Variants in C12orf42 observed in about 807,000 individuals in gnomAD.
C12orf42 encodes the protein chromosome 12 open reading frame 42.
C12orf42 carries 25 observed loss-of-function variants against 21.6 expected under a neutral mutation model. The observed-to-expected ratio is 1.16, with a 90% CI of 0.84 to 1.62. C12orf42 has a LOEUF of 1.62. Among genes scored for constraint, C12orf42 ranks in the 40% most tolerant of loss-of-function variants. The pLI is 0.00. For synonymous variants in C12orf42, 174 were observed against 175.0 expected (o/e 0.99, Z 0.05); for missense variants, 483 against 459.3 (o/e 1.05, Z -0.47).
At chr12:103,520,656 C>T in the C12orf42 span, among the ~76,000 whole-genome samples, 39 of 152,196 alleles carry the variant, frequency 2.6e-4, 1 homozygote, top group African/African-American at 8.7e-4. Flanking sequence ...TGCACTCCAG[C>T]CCAGTTGACA....
At chr12:103,182,459 G>A in the C12orf42 span, among the ~76,000 whole-genome samples, 1 of 152,148 alleles carries the variant, frequency 6.6e-6, no homozygotes, top group East Asian at 1.9e-4. Context: ...GAGCAGGAAT[G>A]GTAAGGTCAA....
rs1419676498 is a variant in C12orf42 at position 103,421,887 on chromosome 12, C to CA, written c.79-20213_79-20212insT. Among the ~76,000 whole-genome samples, 7 of 152,196 alleles carry CA rather than the reference C, an allele frequency of 4.6e-5. No homozygotes were observed. In the East Asian group the frequency reaches 1.3e-3, roughly 29 times the overall value. On this transcript the variant is annotated intron_variant, in intron 2 of 5. Coordinates refer to ENST00000548883, the MANE Select transcript of C12orf42 (RefSeq NM_198521.5). ...TTACAAAATATTTCAATCCTATTCGCCTGTCTTATATTCCTGGTTACATTC... is the reference window on the plus strand; with the variant it reads ...TTACAAAATATTTCAATCCTATTCGCACTGTCTTATATTCCTGGTTACATTC...
chr12:103,076,387 G>C, the C12orf42 span, among the ~76,000 whole-genome samples: 2 of 151,682 alleles, frequency 1.3e-5, no homozygotes, highest in East Asian at 3.9e-4. Context: ...ATGAGGGCAA[G>C]AGGCAGAGAA....
At chr12:103,528,306 A>G in the C12orf42 span, among the ~76,000 whole-genome samples, 25 of 152,360 alleles carry the variant, frequency 1.6e-4, no homozygotes, top group East Asian at 1.7e-3. Flanking sequence ...CCAGTGTCAT[A>G]TAGCTTACAA....
chr12:103,457,072 C>T (rs551866243), intron 2 of C12orf42, among the ~76,000 whole-genome samples: 40 of 152,198 alleles, frequency 2.6e-4, no homozygotes, highest in African/African-American at 8.4e-4. Context: ...GTTTCCTCTC[C>T]CTTTTGTGAT....
At chr12:103,123,831 C>T in the C12orf42 span, among the ~76,000 whole-genome samples, 3 of 151,826 alleles carry the variant, frequency 2.0e-5, no homozygotes, top group South Asian at 6.2e-4. Flanking sequence ...AAAAGATTAA[C>T]CATCAGAGAT....
intron 2 of C12orf42, among the ~76,000 whole-genome samples, chr12:103,438,489 A>G (rs1466392302): frequency 6.6e-6 from 1 of 152,056 alleles, no homozygotes; most frequent in Admixed American, 6.6e-5. Context: ...AGATGACATG[A>G]TTGTGTATCT....
the C12orf42 span, among the ~76,000 whole-genome samples, chr12:103,535,120 T>C: frequency 9.9e-5 from 15 of 152,152 alleles, no homozygotes; most frequent in Non-Finnish European, 1.6e-4. Flanking sequence ...TGCCAGAATG[T>C]GAGAGACTAT....
At chr12:103,511,338 G>C in the C12orf42 span, among the ~76,000 whole-genome samples, 1 of 150,134 alleles carries the variant, frequency 6.7e-6, no homozygotes, top group Non-Finnish European at 1.5e-5. Context: ...TTATATATTT[G>C]ATAAAATTGT....
the C12orf42 span, among the ~76,000 whole-genome samples, chr12:103,207,420 C>T: frequency 5.5e-3 from 834 of 152,324 alleles, 5 homozygotes; most frequent in African/African-American, 0.019. Flanking sequence ...GCCTTCTTTC[C>T]TTTGTAGTTT....
At chr12:103,254,438 C>A (rs781586062) in intron 10 of C12orf42, among the ~76,000 whole-genome samples, 6 of 152,166 alleles carry the variant, frequency 3.9e-5, no homozygotes, top group Non-Finnish European at 8.8e-5. Context: ...CCTCTGAAGG[C>A]ATCACATTAC....
At chr12:103,102,214 T>C in the C12orf42 span, among the ~76,000 whole-genome samples, 20 of 152,322 alleles carry the variant, frequency 1.3e-4, no homozygotes, top group African/African-American at 4.8e-4. Flanking sequence ...ACTGAACTCA[T>C]TATGTTCCTA....
At position 103,395,437 on chromosome 12, in the gene C12orf42, G is replaced by A. The variant is rs977872680; in HGVS notation, c.147+6170C>T. Among the ~76,000 whole-genome samples, 9 of 151,248 alleles carry A rather than the reference G, an allele frequency of 6.0e-5. No homozygotes were observed. The South Asian group carries it at 6.2e-4, about 10-fold the overall frequency. On this transcript the variant is annotated intron_variant, in intron 3 of 5. Coordinates refer to ENST00000548883, the MANE Select transcript of C12orf42 (RefSeq NM_198521.5). ...CGCAAGCTCCGCCTCCCGGGTTCAC[G>A]CCATTCTCCCGCCTCAGCCTCCTGA... is the stretch of plus-strand genomic sequence containing the variant.
chr12:103,098,205 C>G, the C12orf42 span, among the ~76,000 whole-genome samples: 1 of 152,214 alleles, frequency 6.6e-6, no homozygotes, highest in Non-Finnish European at 1.5e-5. Flanking sequence ...AATATGTACA[C>G]TTGTTGAGCA....
intron 10 of C12orf42, among the ~76,000 whole-genome samples, chr12:103,243,681 A>G (rs1029677230): frequency 2.4e-4 from 37 of 152,276 alleles, no homozygotes; most frequent in Middle Eastern, 3.4e-3. Context: ...TAAGCTTAAC[A>G]GTGTACTGGT....
At chr12:103,118,057 G>C in the C12orf42 span, among the ~76,000 whole-genome samples, 2 of 152,190 alleles carry the variant, frequency 1.3e-5, no homozygotes, top group Admixed American at 1.3e-4. Context: ...GGAGGGGTAT[G>C]AATTTATAAT....
At chr12:103,086,637 A>G in the C12orf42 span, among the ~76,000 whole-genome samples, 1 of 151,780 alleles carries the variant, frequency 6.6e-6, no homozygotes, top group Non-Finnish European at 1.5e-5. Flanking sequence ...CCGTGCAACT[A>G]AAGGGCAGCT....
intron 4 of C12orf42, among the ~76,000 whole-genome samples, chr12:103,354,322 G>T (rs1265616039): frequency 6.6e-6 from 1 of 152,056 alleles, no homozygotes; most frequent in Non-Finnish European, 1.5e-5. Flanking sequence ...AGTGAAATTG[G>T]ACTAGCCCAA....
chr12:103,177,649 A>G, the C12orf42 span, among the ~76,000 whole-genome samples: 4 of 152,240 alleles, frequency 2.6e-5, no homozygotes, highest in Non-Finnish European at 5.9e-5. Flanking sequence ...ACAAGAAATC[A>G]GATAATAAGA....
Sources: gnomAD v4.1 joint callset for allele counts (sites outside exome capture counted in the v4.1 genomes callset) on GRCh38, gnomAD v4.1.1 for gene constraint, MANE v1.5 for transcripts, NCBI Gene and HGNC (gene_info 2026-07-23, HGNC 2026-07-21) for gene names.